Variants in PIP4K2A observed in about 807,000 individuals in gnomAD.
The protein encoded by PIP4K2A is phosphatidylinositol 5-phosphate 4-kinase type-2 alpha.
PIP4K2A carries 14 observed loss-of-function variants against 42.9 expected under a neutral mutation model. The ratio of observed to expected loss-of-function variants is 0.33; its 90% CI spans 0.22 to 0.51. The LOEUF is 0.51. Ranked by LOEUF, PIP4K2A falls within the 20% of genes least tolerant of loss-of-function variation. The pLI is 0.97. For synonymous variants in PIP4K2A, 192 were observed against 192.2 expected, an observed-to-expected ratio of 1.00 and a Z score of 0.01; for missense variants, 434 against 519.8, an observed-to-expected ratio of 0.83 and a Z score of 1.61.
At chr10:22,680,541 CCT>C (rs1839638823) in intron 1 of PIP4K2A, among the ~76,000 whole-genome samples, 1 of 152,036 alleles carries the variant, frequency 6.6e-6, no homozygotes, top group South Asian at 2.1e-4. Context: ...GGGTATTTTC[CCT>C]CTGTCATGAA....
chr10:22,703,064 C>T (rs1006707999), intron 1 of PIP4K2A, among the ~76,000 whole-genome samples: 2 of 152,048 alleles, frequency 1.3e-5, no homozygotes, highest in Admixed American at 6.5e-5. Context: ...GAGAAGGCAA[C>T]CCCTTAGCTA....
intron 1 of PIP4K2A, among the ~76,000 whole-genome samples, chr10:22,683,772 C>T (rs574389539): frequency 6.6e-6 from 1 of 151,760 alleles, no homozygotes; most frequent in East Asian, 1.9e-4. Context: ...GGTTTGGTAC[C>T]TCTTTCAGTC....
chr10:22,555,320 G>A (rs1416607083), intron 6 of PIP4K2A, among the ~76,000 whole-genome samples: 3 of 152,122 alleles, frequency 2.0e-5, no homozygotes, highest in African/African-American at 4.8e-5. Context: ...CATCTTTAAA[G>A]GGGGATTTGC....
chr10:22,645,682 C>T (rs1242995898), intron 1 of PIP4K2A, among the ~76,000 whole-genome samples: 1 of 150,072 alleles, frequency 6.7e-6, no homozygotes, highest in Non-Finnish European at 1.5e-5. Flanking sequence ...GAAGATAGTA[C>T]TTAATTTTTT....
At chr10:22,672,179 T>C (rs1839466372) in intron 1 of PIP4K2A, among the ~76,000 whole-genome samples, 1 of 151,946 alleles carries the variant, frequency 6.6e-6, no homozygotes, top group African/African-American at 2.4e-5. Flanking sequence ...AGGCCAGCTA[T>C]CTAACACATT....
intron 1 of PIP4K2A, among the ~76,000 whole-genome samples, chr10:22,705,075 A>G (rs1390535384): frequency 6.6e-6 from 1 of 151,860 alleles, no homozygotes; most frequent in East Asian, 1.9e-4. Flanking sequence ...AAATGAGGTT[A>G]TATGCTGAGG....
chr10:22,598,557 C>T (rs1588653555), intron 3 of PIP4K2A, among the ~76,000 whole-genome samples: 1 of 152,290 alleles, frequency 6.6e-6, no homozygotes, highest in East Asian at 1.9e-4. Flanking sequence ...TCCCTGTGAC[C>T]TCTCAAACCA....
At chr10:22,578,525 C>T (rs1837176273) in intron 4 of PIP4K2A, among the ~76,000 whole-genome samples, 1 of 152,202 alleles carries the variant, frequency 6.6e-6, no homozygotes, top group Non-Finnish European at 1.5e-5. Context: ...CCTACTCCGT[C>T]CCATCTTTCC....
intron 1 of PIP4K2A, among the ~76,000 whole-genome samples, chr10:22,634,623 G>C (rs1374796313): frequency 1.3e-5 from 2 of 152,174 alleles, no homozygotes; most frequent in Non-Finnish European, 2.9e-5. Flanking sequence ...CTGCCTTAAA[G>C]AAGGATGCAC....
chr10:22,692,406 G>A (rs1418092182), intron 1 of PIP4K2A, among the ~76,000 whole-genome samples: 2 of 152,076 alleles, frequency 1.3e-5, no homozygotes, highest in African/African-American at 2.4e-5. Context: ...TTCCTAACAG[G>A]CCATGGACCA....
At chr10:22,612,956 G>A (rs1261560960) in intron 1 of PIP4K2A, among the ~76,000 whole-genome samples, 1 of 152,104 alleles carries the variant, frequency 6.6e-6, no homozygotes, top group Non-Finnish European at 1.5e-5. Flanking sequence ...GAGAGGGGCC[G>A]GTGTGATGGG....
At chr10:22,664,118 T>TATATATATACATATATATATAC (rs1564459997) in intron 1 of PIP4K2A, among the ~76,000 whole-genome samples, 6 of 58,546 alleles carry the variant, frequency 1.0e-4, no homozygotes, top group Admixed American at 6.0e-4. Context: ...TATATATACA[T>TATATATATACATATATATATAC]ATATATATAT....
intron 1 of PIP4K2A, among the ~76,000 whole-genome samples, chr10:22,624,400 C>G (rs1838393250): frequency 6.6e-6 from 1 of 152,250 alleles, no homozygotes; most frequent in Non-Finnish European, 1.5e-5. Flanking sequence ...TTTGAAGACT[C>G]AAGGATTAGA....
chr10:22,599,967 C>T (rs1052888223), intron 3 of PIP4K2A, among the ~76,000 whole-genome samples: 5 of 152,010 alleles, frequency 3.3e-5, no homozygotes, highest in African/African-American at 7.3e-5. Context: ...TAAACGTCTG[C>T]GCTGAAGATG....
chr10:22,635,772 T>G (rs1284747543), intron 1 of PIP4K2A, among the ~76,000 whole-genome samples: 3 of 152,178 alleles, frequency 2.0e-5, no homozygotes, highest in Non-Finnish European at 4.4e-5. Context: ...GGATGAGGAC[T>G]GGAGGCCAGA....
At chr10:22,583,927 G>T (rs762973049) in intron 4 of PIP4K2A, among the ~76,000 whole-genome samples, 1 of 152,262 alleles carries the variant, frequency 6.6e-6, no homozygotes, top group African/African-American at 2.4e-5. Flanking sequence ...GCCTCTAGGG[G>T]CATGTTCCAT....
intron 3 of PIP4K2A, among the ~76,000 whole-genome samples, chr10:22,595,307 T>C (rs1046531049): frequency 6.6e-6 from 1 of 152,220 alleles, no homozygotes; most frequent in Admixed American, 6.5e-5. Context: ...TGTCTAAAGC[T>C]TTCTATGAAC....
chr10:22,651,224 C>G (rs951451578), intron 1 of PIP4K2A, among the ~76,000 whole-genome samples: 2 of 152,214 alleles, frequency 1.3e-5, no homozygotes, highest in Non-Finnish European at 2.9e-5. Context: ...AGACCCTTAA[C>G]TGGTCTCCTG....
At chr10:22,549,281 T>C (rs184552779) in intron 7 of PIP4K2A, among the ~76,000 whole-genome samples, 63 of 152,306 alleles carry the variant, frequency 4.1e-4, no homozygotes, top group Admixed American at 1.2e-3. Flanking sequence ...AAATAAATTA[T>C]ACTGCTTCCG....
Sources: allele counts gnomAD v4.1 joint callset (sites outside exome capture counted in the v4.1 genomes callset), GRCh38; gene constraint gnomAD v4.1.1; transcripts MANE v1.5; gene names NCBI Gene and HGNC (gene_info 2026-07-23, HGNC 2026-07-21).